Variants in DOCK3 observed in about 807,000 individuals in gnomAD.
The protein encoded by DOCK3 is dedicator of cytokinesis protein 3.
A neutral mutation model predicts 265.6 loss-of-function variants in DOCK3; 60 were observed. The ratio of observed to expected loss-of-function variants is 0.23; its 90% CI spans 0.18 to 0.28. The LOEUF (loss-of-function observed/expected upper bound fraction) is 0.28, where lower values mean the gene tolerates loss of function less well. Ranked by LOEUF, DOCK3 falls within the 10% of genes least tolerant of loss-of-function variation. The pLI, the probability that DOCK3 is intolerant of heterozygous loss-of-function variation, is 1.00. For missense variants in DOCK3, 1,981 were observed against 2,594.3 expected, an observed-to-expected ratio of 0.76 and a Z score of 5.14; for synonymous variants, 881 against 938.0, an observed-to-expected ratio of 0.94 and a Z score of 1.11.
intron 5 of DOCK3, among the ~76,000 whole-genome samples, chr3:51,062,827 G>A (rs574656217): frequency 4.6e-5 from 7 of 152,176 alleles, no homozygotes; most frequent in African/African-American, 9.7e-5. Context: ...AATATGAAAC[G>A]TATGTGTTGG....
At position 51,250,120 on chromosome 3, in the gene DOCK3, G is replaced by C. The variant is rs201892441; in HGVS notation, c.2184+3313G>C. On this transcript the variant is annotated intron_variant, in intron 22 of 52. Transcript: ENST00000266037. ...ACCACTCCCTAATCTCAAGTACCCAGGGACACAAATGCTGCGGAAGGCCGC... is the reference window on the plus strand; with the variant it reads ...ACCACTCCCTAATCTCAAGTACCCACGGACACAAATGCTGCGGAAGGCCGC... Among the ~76,000 whole-genome samples the C allele has an allele frequency of 1.7e-3, 251 of 151,872 alleles. 1 individual carries two copies. Among genetic ancestry groups the C allele is most frequent in the Admixed American group, 0.011 (162 of 15,266 alleles).
rs553656844 is a variant in DOCK3 at position 51,312,917 on chromosome 3, C to T, written c.3253+15C>T. 1.9e-6 allele frequency: 3 copies of T among 1,592,338 alleles called. No individual in the cohort carries two copies. The highest frequency in any genetic ancestry group is 2.3e-5 in the South Asian group (2 of 87,706). On this transcript the variant is annotated intron_variant, in intron 31 of 52. Coordinates refer to ENST00000266037, the MANE Select transcript of DOCK3 (RefSeq NM_004947.5). ...GCAGAATTTGGGTAGGTTTTTTCTC[C>T]CTATTCTTCCCTTCTATATATTGCA...
intron 5 of DOCK3, among the ~76,000 whole-genome samples, chr3:50,976,933 A>G (rs1430163493): frequency 6.7e-6 from 1 of 150,260 alleles, no homozygotes; most frequent in African/African-American, 2.4e-5. Context: ...TTATTGGTTT[A>G]AAGTCTGTTT....
intron 27 of DOCK3, among the ~76,000 whole-genome samples, chr3:51,298,160 C>T (rs1276696439): frequency 6.6e-6 from 1 of 152,134 alleles, no homozygotes; most frequent in African/African-American, 2.4e-5. Flanking sequence ...TCTATTTCTT[C>T]ATGAATGAAC....
At chr3:50,867,179 G>A (rs1425814216) in intron 3 of DOCK3, among the ~76,000 whole-genome samples, 2 of 152,016 alleles carry the variant, frequency 1.3e-5, no homozygotes, top group African/African-American at 2.4e-5. Context: ...TTAATTTTAT[G>A]TGTGGTTATT....
chr3:51,099,729 C>T (rs542145354), intron 9 of DOCK3, among the ~76,000 whole-genome samples: 21 of 152,254 alleles, frequency 1.4e-4, no homozygotes, highest in African/African-American at 4.8e-4. Flanking sequence ...AATCCATGTT[C>T]TCATGAAGCT....
chr3:50,976,647 T>G (rs1276170151), intron 5 of DOCK3, among the ~76,000 whole-genome samples: 3 of 152,010 alleles, frequency 2.0e-5, no homozygotes, highest in Non-Finnish European at 2.9e-5. Flanking sequence ...GTTCTCTAGA[T>G]GTCTATTAGG....
At chr3:51,208,013 T>G (rs1476482248) in intron 12 of DOCK3, among the ~76,000 whole-genome samples, 6 of 152,222 alleles carry the variant, frequency 3.9e-5, no homozygotes, top group Admixed American at 1.3e-4. Context: ...AATGGTTACG[T>G]GGTTGCAGTT....
intron 3 of DOCK3, among the ~76,000 whole-genome samples, chr3:50,859,473 C>T (rs1397799861): frequency 6.6e-6 from 1 of 152,042 alleles, no homozygotes; most frequent in Non-Finnish European, 1.5e-5. Context: ...CCCTCGGCCT[C>T]CCAAAGTGCT....
intron 5 of DOCK3, among the ~76,000 whole-genome samples, chr3:51,016,557 C>G (rs1289694767): frequency 0.011 from 74 of 6,624 alleles, 4 homozygotes; most frequent in African/African-American, 0.09. Flanking sequence ...TTATATATAT[C>G]ATATATTATA....
At chr3:50,733,720 A>G (rs1023629334) in intron 1 of DOCK3, among the ~76,000 whole-genome samples, 6 of 152,240 alleles carry the variant, frequency 3.9e-5, no homozygotes, top group African/African-American at 1.4e-4. Flanking sequence ...ATTTGCATTT[A>G]AAGCCATCAT....
intron 5 of DOCK3, among the ~76,000 whole-genome samples, chr3:51,059,176 C>G (rs187558525): frequency 6.6e-6 from 1 of 152,014 alleles, no homozygotes; most frequent in Non-Finnish European, 1.5e-5. Flanking sequence ...TGAGAACATA[C>G]GGTGTTTGTT....
intron 1 of DOCK3, among the ~76,000 whole-genome samples, chr3:50,740,958 A>G (rs180824451): frequency 6.6e-6 from 1 of 152,186 alleles, no homozygotes; most frequent in East Asian, 1.9e-4. Flanking sequence ...CACCAAACAA[A>G]AAGTCAACAC....
chr3:50,743,951 T>C (rs771114526), intron 1 of DOCK3, among the ~76,000 whole-genome samples: 5 of 152,244 alleles, frequency 3.3e-5, no homozygotes, highest in Non-Finnish European at 5.9e-5. Flanking sequence ...CCAACACTTA[T>C]TTTCTATTTT....
chr3:51,356,987 C>G lies in DOCK3; in HGVS notation c.4529C>G (p.Ala1510Gly). The G allele has an allele frequency of 6.2e-7, 1 of 1,613,020 alleles. No individual in the cohort carries two copies. The highest frequency in any genetic ancestry group is 8.5e-7 in the Non-Finnish European group (1 of 1,179,638). The change falls in exon 44 of 53, where the codon GCC (alanine) becomes GGC (glycine). Residue 1510 changes from alanine to glycine, a missense_variant. Physicochemically the swap from Ala to Gly is moderately conservative, Grantham distance 60. This residue lies in a region of DOCK3 where 1,357 missense variants were observed against 1,866.8 expected (regional missense o/e 0.73). Coordinates refer to ENST00000266037, the MANE Select transcript of DOCK3 (RefSeq NM_004947.5). ...GTGGAGGTGAGCCCTCTGGAGAATG[C>G]CATCCAAGTGGTTGAGAATAAGAAC... The part of the protein sequence containing the change: ...ELVEVSPLEN[A>G]IQVVENKNQE...
At chr3:50,734,602 G>GTTGTT (rs2038448154) in intron 1 of DOCK3, among the ~76,000 whole-genome samples, 2 of 107,372 alleles carry the variant, frequency 1.9e-5, no homozygotes, top group Non-Finnish European at 3.4e-5. Context: ...TTTACAGTGA[G>GTTGTT]TTTTTTTTTT....
intron 4 of DOCK3, among the ~76,000 whole-genome samples, chr3:50,919,258 T>C (rs2050300211): frequency 6.6e-6 from 1 of 152,006 alleles, no homozygotes; most frequent in African/African-American, 2.4e-5. Flanking sequence ...TTTTTGGTTC[T>C]ATATGAACTT....
At chr3:50,823,584 C>T (rs1278846885) in intron 2 of DOCK3, among the ~76,000 whole-genome samples, 1 of 152,224 alleles carries the variant, frequency 6.6e-6, no homozygotes, top group Non-Finnish European at 1.5e-5. Context: ...ACAGACACGG[C>T]AACCATCCTA....
chr3:51,202,685 G>T lies in DOCK3; in HGVS notation c.1038-6089G>T, dbSNP rs551986788. ...TCATTTTATGAGGCCAGCATCATCCGGATACCAAAGCCTGGCAGAGACACA... is the reference window on the plus strand; with the variant it reads ...TCATTTTATGAGGCCAGCATCATCCTGATACCAAAGCCTGGCAGAGACACA... On this transcript the variant is annotated intron_variant, in intron 12 of 52. Coordinates refer to ENST00000266037, the MANE Select transcript of DOCK3 (RefSeq NM_004947.5). Among the ~76,000 whole-genome samples the T allele has an allele frequency of 9.3e-3, 1,413 of 152,074 alleles. 7 individuals carry two copies. The highest frequency in any genetic ancestry group is 0.012 in the African/African-American group (488 of 41,452).
Sources: gnomAD v4.1 joint callset for allele counts (sites outside exome capture counted in the v4.1 genomes callset) on GRCh38, gnomAD v4.1.1 for gene constraint, gnomAD v4.1.1 regional missense constraint, MANE v1.5 for transcripts, NCBI Gene and HGNC (gene_info 2026-07-23, HGNC 2026-07-21) for gene names.